Variants in SCAPER observed in about 807,000 individuals in gnomAD.
The protein encoded by SCAPER is S phase cyclin A-associated protein in the endoplasmic reticulum.
In SCAPER, 98 loss-of-function variants were observed where a neutral mutation model predicts 182.2. That is an observed-to-expected ratio of 0.54 (90% CI 0.46 to 0.64). The LOEUF is 0.64. Ranked by LOEUF, SCAPER falls within the 30% of genes least tolerant of loss-of-function variation. The probability of loss-of-function intolerance (pLI) is 0.00; values close to 1 mark genes in which losing one functional copy is unlikely to be tolerated. For missense variants in SCAPER, 1,432 were observed against 1,690.0 expected, an observed-to-expected ratio of 0.85 and a Z score of 2.68; for synonymous variants, 605 against 564.6, an observed-to-expected ratio of 1.07 and a Z score of -1.01.
At chr15:76,782,301 T>A (rs2064210140) in intron 8 of SCAPER, among the ~76,000 whole-genome samples, 1 of 152,100 alleles carries the variant, frequency 6.6e-6, no homozygotes, top group Non-Finnish European at 1.5e-5. Flanking sequence ...GGCCATTACA[T>A]ACTAGTAAAG....
intron 15 of SCAPER, among the ~76,000 whole-genome samples, chr15:76,736,232 T>C (rs2061255573): frequency 6.6e-6 from 1 of 152,242 alleles, no homozygotes; most frequent in East Asian, 1.9e-4. Flanking sequence ...TTCTAAAAAA[T>C]GCTAATGAAC....
intron 21 of SCAPER, among the ~76,000 whole-genome samples, chr15:76,643,167 G>A (rs2054240387): frequency 1.3e-5 from 2 of 152,072 alleles, no homozygotes; most frequent in Admixed American, 1.3e-4. Flanking sequence ...ATTTCTTCCT[G>A]TCTCCCTCCC....
intron 5 of SCAPER, among the ~76,000 whole-genome samples, chr15:76,815,693 A>G (rs1357793539): frequency 6.6e-6 from 1 of 152,174 alleles, no homozygotes; most frequent in Non-Finnish European, 1.5e-5. Flanking sequence ...AGATTCTCAT[A>G]GGAGCACAAA....
intron 5 of SCAPER, among the ~76,000 whole-genome samples, chr15:76,824,719 T>A: frequency 7.5e-6 from 1 of 134,152 alleles, no homozygotes; most frequent in Non-Finnish European, 1.6e-5. Context: ...TTTCAATCAC[T>A]CATTTTTTTA....
At chr15:76,581,806 G>A (rs969706716) in intron 22 of SCAPER, among the ~76,000 whole-genome samples, 4 of 151,976 alleles carry the variant, frequency 2.6e-5, no homozygotes, top group Admixed American at 2.0e-4. Flanking sequence ...GGCTGGTCTC[G>A]AACTCCTGAG....
At chr15:76,847,054 TGG>T (rs1434278635) in intron 4 of SCAPER, among the ~76,000 whole-genome samples, 1 of 152,118 alleles carries the variant, frequency 6.6e-6, no homozygotes, top group Non-Finnish European at 1.5e-5. Context: ...CTAATATGGA[TGG>T]AACTGGAGGT....
At position 76,613,941 on chromosome 15, in the gene SCAPER, A is replaced by G. The variant is rs1452447200; in HGVS notation, c.2711+7823T>C. ...TCCAAAGGAATATAAAGATACATGC[A>G]CACACATATGTTCATCACAGCACTA... On this transcript the variant is annotated intron_variant, in intron 22 of 31. Transcript: ENST00000563290. Among the ~76,000 whole-genome samples the G allele has an allele frequency of 4.0e-5, 6 of 151,788 alleles. 1 individual carries two copies. In the East Asian group the frequency reaches 1.2e-3, roughly 29 times the overall value.
At chr15:76,832,567 C>T (rs1030472667) in intron 5 of SCAPER, among the ~76,000 whole-genome samples, 1 of 152,182 alleles carries the variant, frequency 6.6e-6, no homozygotes, top group Non-Finnish European at 1.5e-5. Context: ...AGGAATTATA[C>T]GGTTGGATCG....
intron 21 of SCAPER, among the ~76,000 whole-genome samples, chr15:76,640,413 G>A (rs1435239464): frequency 2.0e-5 from 3 of 149,810 alleles, no homozygotes; most frequent in South Asian, 4.1e-4. Flanking sequence ...AGGAAGTGAA[G>A]ATAATTTAAG....
chr15:76,680,411 G>GATA (rs10569185), intron 20 of SCAPER, among the ~76,000 whole-genome samples: 2,528 of 142,544 alleles, frequency 0.018, 28 homozygotes, highest in Middle Eastern at 0.033. Context: ...TGATGATGAT[G>GATA]ATAATAATAA....
chr15:76,566,786 T>C (rs934271972), intron 23 of SCAPER, among the ~76,000 whole-genome samples: 7 of 152,114 alleles, frequency 4.6e-5, no homozygotes, highest in African/African-American at 7.2e-5. Context: ...AAAAAATTTC[T>C]TTTATTTGGA....
Position 76,348,706 on chromosome 15 carries a change from T to C in SCAPER, c.4130A>G (p.Glu1377Gly). Reference protein sequence around the residue: ...GKCLGSQDYLELANRFPQQAW... With the variant: ...GKCLGSQDYLGLANRFPQQAW... ...CTGCTGAGGAAATCTGTTAGCCAGC[T>C]CAAGATAGTCTTGGGAACCAAGGCA... Residue 1377 changes from glutamate to glycine, a missense_variant, in exon 32 of 32, where the codon GAG (glutamate) becomes GGG (glycine). This residue lies in a region of SCAPER where 718 missense variants were observed against 799.7 expected (regional missense o/e 0.90). Coordinates refer to ENST00000563290, the MANE Select transcript of SCAPER (RefSeq NM_020843.4). The C allele has an allele frequency of 6.4e-7, 1 of 1,553,572 alleles. No homozygotes were observed. The highest frequency in any genetic ancestry group is 8.7e-7 in the Non-Finnish European group (1 of 1,147,048).
intron 8 of SCAPER, among the ~76,000 whole-genome samples, chr15:76,793,724 A>T (rs2065144854): frequency 1.3e-5 from 2 of 152,120 alleles, no homozygotes; most frequent in Admixed American, 6.5e-5. Context: ...TGTTTCCCTG[A>T]CTTCTGTGAG....
Position 76,515,607 on chromosome 15 carries a change from T to C in SCAPER, c.2839-10633A>G, listed in dbSNP as rs1282591429. Among the ~76,000 whole-genome samples the C allele has an allele frequency of 5.9e-5, 9 of 152,160 alleles. 1 individual carries two copies. The highest frequency in any genetic ancestry group is 5.9e-4 in the Admixed American group (9 of 15,282). ...AGGCAGGACCTTAGAGCTCAGAGGC[T>C]TTTCTCAGAGGTGGCAATTTCTATT... On this transcript the variant is annotated intron_variant, in intron 23 of 31. Transcript: ENST00000563290.
chr15:76,580,543 C>A (rs1278687166), intron 22 of SCAPER, among the ~76,000 whole-genome samples: 1 of 152,056 alleles, frequency 6.6e-6, no homozygotes, highest in Non-Finnish European at 1.5e-5. Flanking sequence ...CCCCTTGAAG[C>A]CAGGAGCTTG....
At chr15:76,360,258 T>C (rs1275506334) in intron 29 of SCAPER, among the ~76,000 whole-genome samples, 1 of 152,192 alleles carries the variant, frequency 6.6e-6, no homozygotes, top group Admixed American at 6.5e-5. Flanking sequence ...AGAAAACCTG[T>C]TACTGGCAGA....
At chr15:76,770,384 A>C (rs1031958265) in intron 10 of SCAPER, among the ~76,000 whole-genome samples, 1 of 152,072 alleles carries the variant, frequency 6.6e-6, no homozygotes, top group Non-Finnish European at 1.5e-5. Flanking sequence ...AAGAAAAAAC[A>C]GTTGTCTCAT....
intron 23 of SCAPER, among the ~76,000 whole-genome samples, chr15:76,542,169 A>G (rs2044814646): frequency 6.6e-6 from 1 of 152,190 alleles, no homozygotes; most frequent in African/African-American, 2.4e-5. Flanking sequence ...CATATTATAG[A>G]TAAATTGCAG....
chr15:76,785,242 A>C lies in SCAPER; in HGVS notation c.772+10038T>G, dbSNP rs187179295. On this transcript the variant is annotated intron_variant, in intron 8 of 31. Transcript: ENST00000563290. ...GATATGAACACAGACACTTCTCAAA[A>C]GAAAACATTTATTCAGCCAACAGGC... is the stretch of plus-strand genomic sequence containing the variant. Among the ~76,000 whole-genome samples the C allele has an allele frequency of 2.0e-5, 3 of 152,392 alleles. No homozygotes were observed. The East Asian group carries it at 5.8e-4, about 29-fold the overall frequency.
Sources: gnomAD v4.1 joint callset for allele counts (sites outside exome capture counted in the v4.1 genomes callset) on GRCh38, gnomAD v4.1.1 for gene constraint, gnomAD v4.1.1 regional missense constraint, MANE v1.5 for transcripts, NCBI Gene and HGNC (gene_info 2026-07-23, HGNC 2026-07-21) for gene names.